LIN7A: variants seen among roughly 807,000 people sequenced by gnomAD.
The protein encoded by LIN7A is protein lin-7 homolog A.
LIN7A carries 25 observed loss-of-function variants against 29.8 expected under a neutral mutation model. The observed-to-expected ratio is 0.84, with a 90% confidence interval of 0.61 to 1.17. The LOEUF (loss-of-function observed/expected upper bound fraction) is 1.17, where lower values mean the gene tolerates loss of function less well. LIN7A is among the 50% of genes most tolerant of loss of function. The probability of loss-of-function intolerance (pLI) is 0.00; values close to 1 mark genes in which losing one functional copy is unlikely to be tolerated. For synonymous variants in LIN7A, 118 were observed against 107.5 expected (o/e 1.10, Z -0.60); for missense variants, 239 against 287.0 (o/e 0.83, Z 1.21).
At chr12:80,813,664 C>CT (rs1290526684) in intron 4 of LIN7A, among the ~76,000 whole-genome samples, 1 of 152,136 alleles carries the variant, frequency 6.6e-6, no homozygotes, top group Non-Finnish European at 1.5e-5. Flanking sequence ...CACAATGCTG[C>CT]TTTTTTCCCA....
chr12:80,922,437 T>C (rs892703356), intron 1 of LIN7A, among the ~76,000 whole-genome samples: 1 of 152,174 alleles, frequency 6.6e-6, no homozygotes, highest in African/African-American at 2.4e-5. Context: ...TATTACCACT[T>C]TTCACTCACT....
intron 4 of LIN7A, among the ~76,000 whole-genome samples, chr12:80,816,426 A>G (rs1043751101): frequency 6.6e-6 from 1 of 151,498 alleles, no homozygotes; most frequent in African/African-American, 2.4e-5. Context: ...AAAAAAGTGT[A>G]TATATACACA....
chr12:80,914,366 C>CA (rs1235171115), intron 1 of LIN7A, among the ~76,000 whole-genome samples: 3 of 152,096 alleles, frequency 2.0e-5, no homozygotes, highest in African/African-American at 4.8e-5. Flanking sequence ...TTTATTTTAC[C>CA]ATGAAACTTT....
chr12:80,866,608 C>G (rs1357288107), intron 2 of LIN7A, among the ~76,000 whole-genome samples: 1 of 152,130 alleles, frequency 6.6e-6, no homozygotes, highest in Non-Finnish European at 1.5e-5. Flanking sequence ...CTGGCTCCCA[C>G]CCCAACATTC....
intron 2 of LIN7A, among the ~76,000 whole-genome samples, chr12:80,869,119 A>C (rs1874292585): frequency 6.7e-6 from 1 of 150,216 alleles, no homozygotes; most frequent in Non-Finnish European, 1.5e-5. Flanking sequence ...GTAGCACTTT[A>C]AACTAAAGTA....
At chr12:80,902,320 T>C (rs1247692597) in intron 1 of LIN7A, among the ~76,000 whole-genome samples, 1 of 152,032 alleles carries the variant, frequency 6.6e-6, no homozygotes, top group African/African-American at 2.4e-5. Flanking sequence ...TTGTTCTTTT[T>C]GCTTAGGATT....
At chr12:80,842,991 A>G (rs1161909845) in intron 4 of LIN7A, among the ~76,000 whole-genome samples, 1 of 152,116 alleles carries the variant, frequency 6.6e-6, no homozygotes, top group African/African-American at 2.4e-5. Flanking sequence ...GAAAGATAAT[A>G]CTCTAGAGGT....
intron 2 of LIN7A, among the ~76,000 whole-genome samples, chr12:80,854,441 A>G (rs61937069): frequency 0.24 from 33,954 of 144,470 alleles, 4,934 homozygotes; most frequent in Non-Finnish European, 0.32. Flanking sequence ...ACAACTACTC[A>G]TATATACAGC....
chr12:80,811,612 C>T lies in LIN7A; in HGVS notation c.555G>A (p.Val185=). Residue 185 remains valine (V), a synonymous_variant, in exon 5 of 6, where the codon GTG becomes GTA. Transcript: ENST00000552864. ...LKAAKDSVKL[V]VRYTPKVLEE... is the part of the protein sequence containing the mutation. ...CCAGAACTTTTGGGGTGTATCGCAC[C>T]ACCAGCTTGACGCTGTCTTTAGCAG... The T allele has an allele frequency of 6.2e-7, 1 of 1,614,048 alleles. No homozygotes were observed. Among genetic ancestry groups the T allele is most frequent in the Non-Finnish European group, 8.5e-7 (1 of 1,179,998 alleles).
intron 2 of LIN7A, among the ~76,000 whole-genome samples, chr12:80,875,754 T>A (rs1874652052): frequency 6.6e-6 from 1 of 152,216 alleles, no homozygotes; most frequent in Non-Finnish European, 1.5e-5. Context: ...TTGGCTGATA[T>A]CATGCTAGGT....
Position 80,811,800 on chromosome 12 carries a change from G to A in LIN7A, c.484-117C>T, listed in dbSNP as rs112020874. The A allele has an allele frequency of 3.7e-3, 4,313 of 1,157,522 alleles. 116 individuals are homozygous for A. The African/African-American group carries it at 0.057, about 15-fold the overall frequency. The allele number at this position is 1,157,522 out of a possible 1,614,324, so 71.7% of individuals were successfully genotyped here. Reference sequence around the variant, plus strand: ...AAATTTAAAATTTTAAGAAAACATGGCAAATGAGTTATCTTACCATCATCG... The same window carrying A: ...AAATTTAAAATTTTAAGAAAACATGACAAATGAGTTATCTTACCATCATCG... On this transcript the variant is annotated intron_variant, in intron 4 of 5. Coordinates refer to ENST00000552864, the MANE Select transcript of LIN7A (RefSeq NM_004664.4).
chr12:80,816,483 T>TTATA (rs138848035), intron 4 of LIN7A, among the ~76,000 whole-genome samples: 92 of 150,762 alleles, frequency 6.1e-4, no homozygotes, highest in Admixed American at 7.9e-4. Context: ...TATACAATAG[T>TTATA]TATATATATA....
At chr12:80,878,912 A>G (rs1001100381) in intron 2 of LIN7A, among the ~76,000 whole-genome samples, 3 of 152,080 alleles carry the variant, frequency 2.0e-5, no homozygotes, top group African/African-American at 4.8e-5. Context: ...GCATTTTACA[A>G]TCCTCTTGTA....
intron 4 of LIN7A, among the ~76,000 whole-genome samples, chr12:80,818,644 T>A (rs1871648925): frequency 6.6e-6 from 1 of 152,202 alleles, no homozygotes; most frequent in Non-Finnish European, 1.5e-5. Flanking sequence ...TACATAGTAG[T>A]CAACTGAAGA....
intron 1 of LIN7A, among the ~76,000 whole-genome samples, chr12:80,931,493 C>T (rs1295032366): frequency 6.6e-6 from 1 of 151,884 alleles, no homozygotes; most frequent in Non-Finnish European, 1.5e-5. Context: ...AATACAAAAA[C>T]ATCAGCTGGG....
chr12:80,883,678 C>T (rs1000023867), intron 2 of LIN7A, among the ~76,000 whole-genome samples: 3 of 152,154 alleles, frequency 2.0e-5, no homozygotes, highest in Non-Finnish European at 4.4e-5. Context: ...GCTGCACATA[C>T]ATGATATTTA....
intron 4 of LIN7A, among the ~76,000 whole-genome samples, chr12:80,818,953 C>T (rs1226788079): frequency 6.6e-6 from 1 of 152,136 alleles, no homozygotes; most frequent in East Asian, 1.9e-4. Flanking sequence ...TAAAGAAAAA[C>T]AATGTTGATT....
At chr12:80,836,543 C>T (rs1379186985) in intron 4 of LIN7A, among the ~76,000 whole-genome samples, 1 of 151,790 alleles carries the variant, frequency 6.6e-6, no homozygotes, top group South Asian at 2.1e-4. Flanking sequence ...GTGGTCCCAG[C>T]CACTCAGGAG....
chr12:80,827,581 T>G (rs953262722), intron 4 of LIN7A, among the ~76,000 whole-genome samples: 1 of 152,206 alleles, frequency 6.6e-6, no homozygotes, highest in Non-Finnish European at 1.5e-5. Flanking sequence ...ACTTCCCATG[T>G]ACAGGCAGGT....
Sources: gnomAD v4.1 joint callset for allele counts (sites outside exome capture counted in the v4.1 genomes callset) on GRCh38, gnomAD v4.1.1 for gene constraint, MANE v1.5 for transcripts, NCBI Gene and HGNC (gene_info 2026-07-23, HGNC 2026-07-21) for gene names.